The following TENM2 variants were observed in gnomAD, a reference collection of about 807,000 sequenced individuals.
TENM2 encodes teneurin transmembrane protein 2, also known as teneurin-2.
TENM2 carries 52 observed loss-of-function variants against 245.2 expected under a neutral mutation model. That is an observed-to-expected ratio of 0.21 (90% confidence interval 0.17 to 0.27). The LOEUF is 0.27. TENM2 is among the 10% of genes least tolerant of loss of function. The pLI, the probability that TENM2 is intolerant of heterozygous loss-of-function variation, is 1.00. For missense variants in TENM2, 3,046 were observed against 3,666.8 expected (o/e 0.83, Z 4.37); for synonymous variants, 1,363 against 1,438.9 (o/e 0.95, Z 1.19).
At chr5:167,085,545 A>G in the TENM2 span, among the ~76,000 whole-genome samples, 1 of 152,210 alleles carries the variant, frequency 6.6e-6, no homozygotes, top group Admixed American at 6.5e-5. Flanking sequence ...TTTAATACTT[A>G]TAAAAATCTA....
At chr5:167,089,275 A>G in the TENM2 span, among the ~76,000 whole-genome samples, 3 of 152,316 alleles carry the variant, frequency 2.0e-5, no homozygotes, top group South Asian at 2.1e-4. Flanking sequence ...TTTGCATGAT[A>G]TGGGTTATTT....
Position 167,717,880 on chromosome 5 carries a change from C to A in TENM2, c.503-158106C>A, listed in dbSNP as rs567105280. Among the ~76,000 whole-genome samples, 8 of 152,354 alleles carry A rather than the reference C, an allele frequency of 5.3e-5. No homozygotes were observed. In the East Asian group the frequency reaches 1.5e-3, roughly 29 times the overall value. On this transcript the variant is annotated intron_variant, in intron 2 of 28. Coordinates refer to ENST00000518659, the Ensembl canonical transcript of TENM2. ...AATGCTTGGGCAAGCAGAACTTTGT[C>A]TAAAATACCACAGTGTACTTCCTGT...
At chr5:167,312,747 T>C (rs916097835) in intron 1 of TENM2, among the ~76,000 whole-genome samples, 2 of 152,060 alleles carry the variant, frequency 1.3e-5, no homozygotes, top group East Asian at 3.9e-4. Context: ...CAGTTATCTT[T>C]CATAACTATC....
At chr5:167,947,665 C>T (rs553206575) in intron 3 of TENM2, among the ~76,000 whole-genome samples, 14 of 152,326 alleles carry the variant, frequency 9.2e-5, no homozygotes, top group African/African-American at 3.4e-4. Context: ...TCTCTGCCAA[C>T]ACCATCTCCT....
In TENM2 at chr5:168,247,679, G is replaced by A. The variant is rs750115829; in HGVS notation, c.6740G>A (p.Arg2247His). Residue 2247 changes from arginine to histidine, a missense_variant, in exon 27 of 29, where the codon CGC (arginine) becomes CAC (histidine). Physicochemically the swap from Arg to His is conservative, Grantham distance 29. Transcript: ENST00000518659. This position sits in a 1 kb window ranked among gnomAD's most constrained non-coding sequence, Gnocchi z 7.8. ...AACAGTGTGCGCCTCATGCCCTTGC[G>A]CTATGACCTCCGGGATCGGATAACC... The A allele has an allele frequency of 2.2e-5, 36 of 1,613,696 alleles. No individual in the cohort carries two copies. The highest frequency in any genetic ancestry group is 3.3e-4 in the Middle Eastern group (2 of 6,084).
At position 168,098,128 on chromosome 5, in the gene TENM2, G is replaced by C; in HGVS notation, c.1813+1G>C. The C allele has an allele frequency of 6.2e-7, 1 of 1,610,182 alleles. No homozygotes were observed. Among genetic ancestry groups the C allele is most frequent in the Non-Finnish European group, 8.5e-7 (1 of 1,176,996 alleles). ...TTTCTAGGAGCAGACTGTGCTAAAG[G>C]TATGTGCCGCCACTTCCCTGCTATG... On this transcript the variant is annotated splice_donor_variant, in intron 9 of 28. Coordinates refer to ENST00000518659, the Ensembl canonical transcript of TENM2. LOFTEE classifies it high-confidence loss of function.
At chr5:168,249,015 A>G (rs1225563613) in intron 27 of TENM2, among the ~76,000 whole-genome samples, 1 of 152,048 alleles carries the variant, frequency 6.6e-6, no homozygotes, top group Non-Finnish European at 1.5e-5. Context: ...GCTACTCAGG[A>G]GGCTGAGCCA....
intron 2 of TENM2, among the ~76,000 whole-genome samples, chr5:167,855,650 GGAGGAAGGAAGAAAGA>G (rs1770995455): frequency 1.7e-5 from 2 of 120,216 alleles, no homozygotes; most frequent in South Asian, 7.0e-4. Flanking sequence ...AAATATGGAA[GGAGGAAGGAAGAAAGA>G]GAGGAAGGAA....
chr5:167,435,975 C>CTTTTTTTT (rs71591181), intron 2 of TENM2, among the ~76,000 whole-genome samples: 87 of 83,136 alleles, frequency 1.0e-3, no homozygotes, highest in African/African-American at 3.4e-3. Context: ...CTTTTTTTTT[C>CTTTTTTTT]TTTTTTTTTT....
At chr5:168,075,774 A>G (rs1055538065) in intron 7 of TENM2, among the ~76,000 whole-genome samples, 1 of 152,228 alleles carries the variant, frequency 6.6e-6, no homozygotes, top group Admixed American at 6.5e-5. Flanking sequence ...TAATGGACTC[A>G]TAGTTCCACA....
chr5:167,039,625 G>T, the TENM2 span, among the ~76,000 whole-genome samples: 1 of 129,644 alleles, frequency 7.7e-6, no homozygotes. Context: ...AAAAAAAAAT[G>T]TTGCAGTGAC....
chr5:167,199,974 A>G, the TENM2 span, among the ~76,000 whole-genome samples: 3 of 152,100 alleles, frequency 2.0e-5, no homozygotes, highest in Non-Finnish European at 4.4e-5. Context: ...GAAAGGGGGT[A>G]CAAACTCCTG....
Position 168,236,991 on chromosome 5 carries a change from TATATATATA to T in TENM2, c.5521-7428_5521-7420del, listed in dbSNP as rs1167577438. Among the ~76,000 whole-genome samples the T allele has an allele frequency of 3.1e-3, 16 of 5,088 alleles. 2 individuals are homozygous for T. Among genetic ancestry groups the T allele is most frequent in the African/African-American group, 6.2e-3 (7 of 1,138 alleles). The allele number at this position is 5,088 out of a possible 152,430, so 3.3% of individuals were successfully genotyped here. On this transcript the variant is annotated intron_variant, in intron 25 of 28. Coordinates refer to ENST00000518659, the Ensembl canonical transcript of TENM2. ...ATATATATATATATATATATATATA[TATATATATA>T]TTTTTTTTTTTTTTTTTTTTTTTTT... is the stretch of plus-strand genomic sequence containing the variant.
intron 2 of TENM2, among the ~76,000 whole-genome samples, chr5:167,552,097 G>A (rs548531615): frequency 4.2e-4 from 64 of 152,268 alleles, no homozygotes; most frequent in Non-Finnish European, 8.2e-4. Flanking sequence ...AAATTCTCAA[G>A]TGTCCTGAAA....
chr5:167,280,732 A>G (rs1770994281), upstream of TENM2, among the ~76,000 whole-genome samples: 3 of 145,492 alleles, frequency 2.1e-5, no homozygotes, highest in Admixed American at 2.2e-4. Flanking sequence ...GGATATCTAT[A>G]TCTATCTGTC....
intron 2 of TENM2, chr5:167,755,250 AG>A: frequency 1.5e-6 from 2 of 1,336,732 alleles, no homozygotes; most frequent in South Asian, 2.4e-5. Flanking sequence ...CCTCACTGAC[AG>A]GGTAGTTGGA....
At chr5:167,412,841 G>T (rs2127407608) in intron 2 of TENM2, among the ~76,000 whole-genome samples, 1 of 150,112 alleles carries the variant, frequency 6.7e-6, no homozygotes, top group African/African-American at 2.4e-5. Flanking sequence ...TTAACTTAGG[G>T]AGATGAGTGC....
At chr5:168,086,597 C>T (rs1403206579) in intron 7 of TENM2, among the ~76,000 whole-genome samples, 2 of 152,130 alleles carry the variant, frequency 1.3e-5, no homozygotes, top group Non-Finnish European at 2.9e-5. Context: ...CGCAGCCAGC[C>T]GGTGCACAGA....
the TENM2 span, among the ~76,000 whole-genome samples, chr5:167,083,106 A>G: frequency 9.2e-5 from 14 of 152,280 alleles, no homozygotes; most frequent in African/African-American, 3.4e-4. Context: ...AGGTTGGTAA[A>G]ACTCTCTTTT....
Sources: allele counts gnomAD v4.1 joint callset (sites outside exome capture counted in the v4.1 genomes callset), GRCh38; gene constraint gnomAD v4.1.1; non-coding constraint Gnocchi (gnomAD v3.1); transcripts MANE v1.5; gene names NCBI Gene and HGNC (gene_info 2026-07-23, HGNC 2026-07-21).